Variants in FAT3 observed in about 807,000 individuals in gnomAD.
FAT3 encodes the protein FAT atypical cadherin 3, also known as protocadherin Fat 3.
FAT3 carries 95 observed loss-of-function variants against 310.2 expected under a neutral mutation model. The ratio of observed to expected loss-of-function variants is 0.31; its 90% confidence interval spans 0.26 to 0.36. FAT3 has a LOEUF of 0.36. Among genes scored for constraint, FAT3 ranks in the 10% least tolerant of loss-of-function variants. The pLI is 1.00. For synonymous variants in FAT3, 2,314 were observed against 2,192.9 expected (o/e 1.06, Z -1.54); for missense variants, 5,408 against 5,715.6 (o/e 0.95, Z 1.74).
chr11:92,395,243 T>G (rs1417804731), intron 2 of FAT3, among the ~76,000 whole-genome samples: 2 of 152,192 alleles, frequency 1.3e-5, no homozygotes, highest in African/African-American at 2.4e-5. Flanking sequence ...AATAGGTACT[T>G]GAATTGATTG....
intron 3 of FAT3, among the ~76,000 whole-genome samples, chr11:92,668,724 C>G (rs1300680579): frequency 6.6e-6 from 1 of 152,176 alleles, no homozygotes; most frequent in Non-Finnish European, 1.5e-5. Flanking sequence ...ATTTAAATTA[C>G]TTAGCAAATG....
chr11:92,689,371 G>A (rs1489819039), intron 3 of FAT3, among the ~76,000 whole-genome samples: 2 of 152,136 alleles, frequency 1.3e-5, no homozygotes, highest in East Asian at 3.9e-4. Flanking sequence ...GGGGAGAAGT[G>A]CGCCATATTG....
intron 3 of FAT3, among the ~76,000 whole-genome samples, chr11:92,696,334 A>C (rs980604953): frequency 6.6e-6 from 1 of 152,044 alleles, no homozygotes; most frequent in African/African-American, 2.4e-5. Flanking sequence ...ATTATTCTGA[A>C]GGCCGTGGGG....
At chr11:92,455,780 A>T (rs1229090043) in intron 2 of FAT3, among the ~76,000 whole-genome samples, 1 of 152,166 alleles carries the variant, frequency 6.6e-6, no homozygotes, top group Non-Finnish European at 1.5e-5. Flanking sequence ...GGAATAATAA[A>T]AAAGCCAGTA....
chr11:92,655,257 T>G (rs1942536928), intron 3 of FAT3, among the ~76,000 whole-genome samples: 1 of 152,188 alleles, frequency 6.6e-6, no homozygotes, highest in Non-Finnish European at 1.5e-5. Context: ...TTGTCTCTTC[T>G]CAGGAGAACA....
intron 3 of FAT3, among the ~76,000 whole-genome samples, chr11:92,631,480 G>A (rs573430102): frequency 6.6e-6 from 1 of 152,192 alleles, no homozygotes; most frequent in African/African-American, 2.4e-5. Context: ...CCTTTCTCAT[G>A]ATAGTGAGTG....
At chr11:92,253,923 G>T (rs946974967) in intron 1 of FAT3, among the ~76,000 whole-genome samples, 1 of 152,138 alleles carries the variant, frequency 6.6e-6, no homozygotes, top group Non-Finnish European at 1.5e-5. Flanking sequence ...TTGGAGATTT[G>T]ATTCACTTGG....
chr11:92,775,641 A>G (rs1946579756), intron 7 of FAT3, among the ~76,000 whole-genome samples: 1 of 152,210 alleles, frequency 6.6e-6, no homozygotes, highest in African/African-American at 2.4e-5. Context: ...TTAACTGACT[A>G]TTAATAATTG....
intron 1 of FAT3, among the ~76,000 whole-genome samples, chr11:92,290,771 A>T (rs1171381944): frequency 3.3e-5 from 5 of 151,862 alleles, no homozygotes; most frequent in South Asian, 2.1e-4. Flanking sequence ...CTCAAAAAAA[A>T]AATAATAAAT....
At chr11:92,347,606 C>A in intron 1 of FAT3, among the ~76,000 whole-genome samples, 1 of 152,210 alleles carries the variant, frequency 6.6e-6, no homozygotes, top group East Asian at 1.9e-4. Context: ...TTCCCTGCCC[C>A]CAAGGTCTCT....
intron 3 of FAT3, among the ~76,000 whole-genome samples, chr11:92,639,494 A>G (rs1357144008): frequency 6.6e-6 from 1 of 151,534 alleles, no homozygotes; most frequent in African/African-American, 2.4e-5. Context: ...CTCTCTCTCA[A>G]TCTCTCTTTC....
intron 2 of FAT3, among the ~76,000 whole-genome samples, chr11:92,410,065 TAA>T (rs1190314315): frequency 6.6e-6 from 1 of 152,312 alleles, no homozygotes; most frequent in East Asian, 1.9e-4. Flanking sequence ...TAAGGAATTT[TAA>T]AAAGAGTTTA....
At chr11:92,290,085 T>G (rs1434092220) in intron 1 of FAT3, among the ~76,000 whole-genome samples, 1 of 152,154 alleles carries the variant, frequency 6.6e-6, no homozygotes, top group Non-Finnish European at 1.5e-5. Flanking sequence ...CAGCCTGCTG[T>G]GCTCTTCCCC....
chr11:92,659,455 C>A (rs1373264172), intron 3 of FAT3, among the ~76,000 whole-genome samples: 1 of 152,176 alleles, frequency 6.6e-6, no homozygotes, highest in East Asian at 1.9e-4. Flanking sequence ...GTTATCAGTT[C>A]ATGGACCTAA....
intron 1 of FAT3, among the ~76,000 whole-genome samples, chr11:92,226,774 A>G (rs1288375289): frequency 6.6e-6 from 1 of 152,022 alleles, no homozygotes; most frequent in East Asian, 1.9e-4. Context: ...CTCCAGCTCC[A>G]TCCCGCCGCC....
chr11:92,290,155 TG>T (rs1262391866), intron 1 of FAT3, among the ~76,000 whole-genome samples: 39 of 152,244 alleles, frequency 2.6e-4, no homozygotes, highest in East Asian at 5.8e-4. Context: ...CCTTTCTCAA[TG>T]GGGCCTTATC....
chr11:92,409,031 G>C (rs570343468), intron 2 of FAT3, among the ~76,000 whole-genome samples: 1 of 152,090 alleles, frequency 6.6e-6, no homozygotes, highest in African/African-American at 2.4e-5. Flanking sequence ...TAAACATTAC[G>C]TATAGAAGTG....
At chr11:92,753,140 G>C (rs1170019101) in intron 4 of FAT3, among the ~76,000 whole-genome samples, 6 of 152,094 alleles carry the variant, frequency 3.9e-5, no homozygotes, top group African/African-American at 1.4e-4. Context: ...GTAGAATGTG[G>C]TACAAGTGAT....
At chr11:92,264,407 G>C (rs1403471827) in intron 1 of FAT3, among the ~76,000 whole-genome samples, 2 of 152,082 alleles carry the variant, frequency 1.3e-5, no homozygotes. Context: ...AGTGAAATGT[G>C]TATTGAAATG....
Sources: allele counts gnomAD v4.1 joint callset (sites outside exome capture counted in the v4.1 genomes callset), GRCh38; gene constraint gnomAD v4.1.1; transcripts MANE v1.5; gene names NCBI Gene and HGNC (gene_info 2026-07-23, HGNC 2026-07-21).